Variants in CNTN5 observed in about 807,000 individuals in gnomAD.
CNTN5 encodes contactin 5, also known as contactin-5.
A neutral mutation model predicts 129.1 loss-of-function variants in CNTN5; 77 were observed. The observed-to-expected ratio is 0.60, with a 90% CI of 0.50 to 0.72. The LOEUF is 0.72. Ranked by LOEUF, CNTN5 falls within the 30% of genes least tolerant of loss-of-function variation. CNTN5 has a pLI of 0.00. For missense variants in CNTN5, 1,478 were observed against 1,328.8 expected (o/e 1.11, Z -1.75); for synonymous variants, 509 against 465.6 (o/e 1.09, Z -1.20).
chr11:99,424,381 G>A (rs1353224038), intron 2 of CNTN5, among the ~76,000 whole-genome samples: 1 of 152,222 alleles, frequency 6.6e-6, no homozygotes, highest in Non-Finnish European at 1.5e-5. Flanking sequence ...GTGGCTGGTG[G>A]CACCCAGCAT....
intron 2 of CNTN5, among the ~76,000 whole-genome samples, chr11:99,503,306 C>G (rs770263439): frequency 6.6e-6 from 1 of 152,122 alleles, no homozygotes; most frequent in Non-Finnish European, 1.5e-5. Context: ...TTGTCAAAAC[C>G]GGGTGATCCA....
Position 100,001,321 on chromosome 11 carries a change from G to A in CNTN5, c.878-713G>A, listed in dbSNP as rs147891379. Among the ~76,000 whole-genome samples the A allele has an allele frequency of 5.0e-3, 756 of 152,198 alleles. 5 individuals carry two copies. The highest frequency in any genetic ancestry group is 0.015 in the South Asian group (71 of 4,814). On this transcript the variant is annotated intron_variant, in intron 8 of 24. Transcript: ENST00000524871. ...TTTGTGAGAACTCTCTTACTATCAC[G>A]AGAACAGCATGGGGGAATCTACCTC...
At chr11:100,020,841 T>C (rs1293643954) in intron 9 of CNTN5, among the ~76,000 whole-genome samples, 3 of 151,952 alleles carry the variant, frequency 2.0e-5, no homozygotes, top group Admixed American at 2.0e-4. Context: ...AAAGATAAAA[T>C]ACTTAGCAAT....
intron 1 of CNTN5, among the ~76,000 whole-genome samples, chr11:99,036,709 C>T (rs1338087864): frequency 1.3e-5 from 2 of 152,238 alleles, no homozygotes; most frequent in Admixed American, 6.5e-5. Context: ...GTGTCTGTCT[C>T]GTCCCACTGT....
At chr11:99,335,011 T>G (rs2136037298) in intron 2 of CNTN5, among the ~76,000 whole-genome samples, 1 of 152,256 alleles carries the variant, frequency 6.6e-6, no homozygotes, top group South Asian at 2.1e-4. Context: ...AGTGTATTCC[T>G]CAGCAATACT....
chr11:100,175,250 G>A (rs994285185), intron 13 of CNTN5, among the ~76,000 whole-genome samples: 1 of 151,966 alleles, frequency 6.6e-6, no homozygotes, highest in Non-Finnish European at 1.5e-5. Flanking sequence ...AAAATCCTCA[G>A]GTTTGTCAGC....
Position 99,735,197 on chromosome 11 carries a change from G to A in CNTN5, c.56-84347G>A, listed in dbSNP as rs549537251. Among the ~76,000 whole-genome samples the A allele has an allele frequency of 2.9e-5, 4 of 137,028 alleles. No homozygotes were observed. In the South Asian group the frequency reaches 1.0e-3, roughly 36 times the overall value. 89.9% of individuals were successfully genotyped at this position (137,028 alleles called of 152,430 possible). A position where few individuals can be genotyped will look rare whatever the true frequency, so the allele number is the denominator to read the frequency against. On this transcript the variant is annotated intron_variant, in intron 3 of 24. Transcript: ENST00000524871. ...TAGAAGAGATTACGTTCTAAGGTGT[G>A]TTAGTTAAACAAATTATCTCCTGAA...
chr11:99,735,383 A>T (rs2135124650), intron 3 of CNTN5, among the ~76,000 whole-genome samples: 1 of 152,352 alleles, frequency 6.6e-6, no homozygotes, highest in African/African-American at 2.4e-5. Flanking sequence ...TTTAAAAAGT[A>T]GAAGGTATAT....
rs1484885953 is a variant in CNTN5 at position 100,163,221 on chromosome 11, A to G, written c.1581-27905A>G. 2.6e-5 allele frequency among the ~76,000 whole-genome samples: 4 copies of G among 151,826 alleles called. 1 individual carries two copies. In the South Asian group the frequency reaches 6.2e-4, roughly 24 times the overall value. On this transcript the variant is annotated intron_variant, in intron 13 of 24. Coordinates refer to ENST00000524871, the MANE Select transcript of CNTN5 (RefSeq NM_014361.4). ...AATCTTAAATTAAGATTGAGACATA[A>G]TAGCTAATAAAAATAAGGAGTCAGG...
At chr11:99,844,509 A>G in intron 4 of CNTN5, 1 of 328,604 alleles carries the variant, frequency 3.0e-6, no homozygotes, top group East Asian at 1.1e-4. Context: ...AATTTTACAA[A>G]CTTTCAGGTT....
intron 1 of CNTN5, among the ~76,000 whole-genome samples, chr11:99,142,818 T>G (rs1235983202): frequency 6.6e-6 from 1 of 152,086 alleles, no homozygotes; most frequent in Non-Finnish European, 1.5e-5. Flanking sequence ...GCACAAGTGT[T>G]CGTGGGACTC....
chr11:99,877,426 C>T (rs994086624), intron 6 of CNTN5, among the ~76,000 whole-genome samples: 18 of 152,166 alleles, frequency 1.2e-4, no homozygotes, highest in African/African-American at 7.2e-5. Context: ...TGGTTCTGCT[C>T]ATTTACTCTG....
intron 3 of CNTN5, among the ~76,000 whole-genome samples, chr11:99,565,960 C>T (rs966216397): frequency 2.6e-5 from 4 of 152,164 alleles, no homozygotes; most frequent in African/African-American, 9.7e-5. Flanking sequence ...ATAGTGATAT[C>T]ATTGCTTTCA....
Position 99,549,580 on chromosome 11 carries a change from A to G in CNTN5, c.-70-6565A>G, listed in dbSNP as rs1948414621. The stretch of plus-strand genomic sequence containing the variant: ...CTCTTCCTAAGTAGTTCACTGAGGC[A>G]TTCAAGAATATTTTATAATATTCTC... On this transcript the variant is annotated intron_variant, in intron 2 of 24. Coordinates refer to ENST00000524871, the MANE Select transcript of CNTN5 (RefSeq NM_014361.4). Among the ~76,000 whole-genome samples, 3 of 152,176 alleles carry G rather than the reference A, an allele frequency of 2.0e-5. No individual in the cohort carries two copies. The South Asian group carries it at 6.2e-4, about 31-fold the overall frequency.
At chr11:100,163,029 A>C (rs1947508962) in intron 13 of CNTN5, among the ~76,000 whole-genome samples, 1 of 151,832 alleles carries the variant, frequency 6.6e-6, no homozygotes, top group South Asian at 2.1e-4. Context: ...CTACAGCCTT[A>C]GAAATGTGTT....
intron 1 of CNTN5, among the ~76,000 whole-genome samples, chr11:99,238,603 C>T (rs1861392299): frequency 6.6e-6 from 1 of 152,096 alleles, no homozygotes; most frequent in Admixed American, 6.5e-5. Context: ...CATTGCCTAA[C>T]TTGGCAAGAA....
At chr11:99,089,229 A>C (rs1395867835) in intron 1 of CNTN5, among the ~76,000 whole-genome samples, 1 of 152,096 alleles carries the variant, frequency 6.6e-6, no homozygotes, top group African/African-American at 2.4e-5. Flanking sequence ...CTAGTATACA[A>C]ATATTTTATA....
intron 1 of CNTN5, among the ~76,000 whole-genome samples, chr11:99,322,973 C>A (rs533342456): frequency 1.3e-5 from 2 of 152,004 alleles, no homozygotes; most frequent in Non-Finnish European, 2.9e-5. Context: ...AGACAACTTA[C>A]CTTCTTTTTC....
chr11:100,169,892 A>C (rs191154021), intron 13 of CNTN5, among the ~76,000 whole-genome samples: 106 of 152,034 alleles, frequency 7.0e-4, no homozygotes, highest in African/African-American at 2.6e-3. Flanking sequence ...CCCTAGGCTA[A>C]AACTTATTCT....
Sources: allele counts gnomAD v4.1 joint callset (sites outside exome capture counted in the v4.1 genomes callset), GRCh38; gene constraint gnomAD v4.1.1; transcripts MANE v1.5; gene names NCBI Gene and HGNC (gene_info 2026-07-23, HGNC 2026-07-21).